The following OTOG variants were observed in gnomAD, a reference collection of about 807,000 sequenced individuals.
OTOG encodes otogelin.
A neutral mutation model predicts 313.8 loss-of-function variants in OTOG; 296 were observed. That is an observed-to-expected ratio of 0.94 (90% CI 0.86 to 1.04). OTOG has a LOEUF of 1.04. Among genes scored for constraint, OTOG ranks in the 50% least tolerant of loss-of-function variants. OTOG has a pLI of 0.00. For missense variants in OTOG, 3,948 were observed against 3,840.1 expected (o/e 1.03, Z -0.74); for synonymous variants, 1,533 against 1,554.9 (o/e 0.99, Z 0.33).
At chr11:17,570,168 G>A (rs1467599993) in intron 16 of OTOG, 45 bp from the exon 17 acceptor site, 45 of 1,508,960 alleles carry the variant, frequency 3.0e-5, no homozygotes, top group Non-Finnish European at 3.7e-5. Flanking sequence ...GGCGGGGTGT[G>A]TACTGGCTGC....
Position 17,608,372 on chromosome 11 carries a change from C to A in OTOG, c.4233C>A (p.Thr1411=). The A allele has an allele frequency of 1.9e-6, 3 of 1,547,088 alleles. No homozygotes were observed. In the South Asian group the frequency reaches 3.6e-5, roughly 19 times the overall value. The change falls in exon 34 of 56, where the codon ACC becomes ACA. Residue 1411 remains threonine, a synonymous_variant. Transcript: ENST00000399397. ...YDACASPCFQ[T]CRDPRAASCR... is the part of the protein sequence containing the mutation. ...CCTGTGCCAGCCCCTGCTTCCAAAC[C>A]TGCCGGGACCCACGGGCAGCCAGCT... is the stretch of plus-strand genomic sequence containing the variant.
At chr11:17,644,403 A>C (rs996336348) in intron 54 of OTOG, among the ~76,000 whole-genome samples, 1 of 152,246 alleles carries the variant, frequency 6.6e-6, no homozygotes, top group Non-Finnish European at 1.5e-5. Context: ...CAGAGACCAG[A>C]AGAAAAGATT....
At chr11:17,576,527 C>T in intron 20 of OTOG, 29 bp from the exon 21 acceptor site, 1 of 1,533,872 alleles carries the variant, frequency 6.5e-7, no homozygotes, top group Non-Finnish European at 8.8e-7. Context: ...TGAGCCTGCT[C>T]ACCTTTCTTT....
chr11:17,603,319 T>G (rs912996406), intron 32 of OTOG, among the ~76,000 whole-genome samples: 4 of 152,178 alleles, frequency 2.6e-5, no homozygotes, highest in Non-Finnish European at 5.9e-5. Context: ...CCCAGATCCA[T>G]GCATTCCTGC....
chr11:17,593,860 C>A, intron 27 of OTOG, 104 bp downstream of exon 27: 1 of 1,442,184 alleles, frequency 6.9e-7, no homozygotes, highest in Non-Finnish European at 9.4e-7. Flanking sequence ...GAAGAGCATG[C>A]CTCTGTTCTC....
At chr11:17,599,738 C>A in intron 31 of OTOG, 41 bp downstream of exon 31, 1 of 1,544,138 alleles carries the variant, frequency 6.5e-7, no homozygotes, top group South Asian at 1.2e-5. Context: ...GGGGCTCAGG[C>A]ACTGCCAGCC....
chr11:17,573,352 C>T (rs1852448427), intron 19 of OTOG, 62 bp downstream of exon 19: 1 of 1,441,852 alleles, frequency 6.9e-7, no homozygotes, highest in South Asian at 1.4e-5. Context: ...CTGAGTGTCC[C>T]CTGCCCCTGA....
In OTOG at chr11:17,645,576, G is replaced by A. The variant is rs1338351175; in HGVS notation, c.8474G>A (p.Gly2825Glu). The A allele has an allele frequency of 6.4e-7, 1 of 1,550,600 alleles. No homozygotes were observed. The change falls in exon 55 of 56, where the codon GGG (glycine) becomes GAG (glutamate). Residue 2825 changes from glycine (G) to glutamate (E), a missense_variant. Physicochemically the swap from Gly to Glu is moderately conservative, Grantham distance 98. Transcript: ENST00000399397. ...CCTGTCCCCCCAGGTAAGGAGGATG[G>A]GCGCTCCTGCAAGAAGGTGACCATC... ...EGCCRTCKED[G>E]RSCKKVTIRM...
chr11:17,566,059 G>A (rs1368146226), intron 15 of OTOG, among the ~76,000 whole-genome samples: 1 of 152,082 alleles, frequency 6.6e-6, no homozygotes, highest in Non-Finnish European at 1.5e-5. Context: ...CTTCTCAGCT[G>A]ACAGAGAAAG....
At chr11:17,627,802 A>T (rs1265720553) in intron 39 of OTOG, among the ~76,000 whole-genome samples, 1 of 152,104 alleles carries the variant, frequency 6.6e-6, no homozygotes, top group African/African-American at 2.4e-5. Flanking sequence ...TTGTGGTTCA[A>T]TCTTGAGGTT....
rs976956989 is a variant in OTOG, at chr11:17,593,642, G to A, written c.3174G>A (p.Glu1058=). ...SPESFLDDKQ[E]VHTWRVGFFT... ...AGAGCTTCCTGGATGACAAGCAGGA[G>A]GTCCACACATGGCGAGTGGGATTTT... is the stretch of plus-strand genomic sequence containing the variant. The change falls in exon 27 of 56, where the codon GAG becomes GAA. Residue 1058 remains glutamate, a synonymous_variant. Coordinates refer to ENST00000399397, the MANE Select transcript of OTOG (RefSeq NM_001292063.2). 6.5e-7 allele frequency: 1 copy of A among 1,549,132 alleles called. No homozygotes were observed. The highest frequency in any genetic ancestry group is 8.7e-7 in the Non-Finnish European group (1 of 1,146,984).
rs1034093568 is a variant in OTOG at position 17,555,658 on chromosome 11, G to A, written c.541-121G>A. The A allele has an allele frequency of 8.1e-6, 6 of 736,552 alleles. No individual in the cohort carries two copies. The Admixed American group carries it at 1.1e-4, about 14-fold the overall frequency. 45.6% of individuals were successfully genotyped at this position (736,552 alleles called of 1,614,324 possible). A position where few individuals can be genotyped will look rare whatever the true frequency, so the allele number is the denominator to read the frequency against. On this transcript the variant is annotated intron_variant, in intron 6 of 55. Coordinates refer to ENST00000399397, the MANE Select transcript of OTOG (RefSeq NM_001292063.2). ...TATGGGGACTGAGCGAGATCACAGAGGAAAGGCAGTTGGTATGCAGGGGAC... is the reference window on the plus strand; with the variant it reads ...TATGGGGACTGAGCGAGATCACAGAAGAAAGGCAGTTGGTATGCAGGGGAC...
chr11:17,645,573 A>G lies in OTOG; in HGVS notation c.8471A>G (p.Asp2824Gly). 1.9e-6 allele frequency: 3 copies of G among 1,550,580 alleles called. No homozygotes were observed. Among genetic ancestry groups the G allele is most frequent in the Non-Finnish European group, 2.6e-6 (3 of 1,146,978 alleles). Reference protein sequence around the residue: ...LEGCCRTCKEDGRSCKKVTIR... With the variant: ...LEGCCRTCKEGGRSCKKVTIR... ...CCCCCTGTCCCCCCAGGTAAGGAGG[A>G]TGGGCGCTCCTGCAAGAAGGTGACC... The change falls in exon 55 of 56, where the codon GAT becomes GGT. Residue 2824 changes from aspartate to glycine, a missense_variant. By Grantham distance (94) the Asp-to-Gly change is moderately conservative. Transcript: ENST00000399397.
chr11:17,613,765 A>G, intron 39 of OTOG, 64 bp downstream of exon 39: 1 of 1,057,736 alleles, frequency 9.5e-7, no homozygotes, highest in Admixed American at 2.3e-5. Context: ...CAGGGCATCC[A>G]GGGGTGGAGG....
At chr11:17,570,062 C>G in intron 16 of OTOG, 151 bp from the exon 17 acceptor site, 1 of 686,932 alleles carries the variant, frequency 1.5e-6, no homozygotes, top group Non-Finnish European at 2.5e-6. Context: ...CTCCCCATAC[C>G]AGCTTCATGG....
intron 39 of OTOG, among the ~76,000 whole-genome samples, chr11:17,618,974 G>C (rs1395835729): frequency 6.6e-6 from 1 of 152,106 alleles, no homozygotes; most frequent in Non-Finnish European, 1.5e-5. Flanking sequence ...TTTATTTAAA[G>C]TGGGATTTTT....
intron 28 of OTOG, among the ~76,000 whole-genome samples, chr11:17,595,345 T>C (rs918182143): frequency 1.3e-5 from 2 of 152,180 alleles, no homozygotes. Context: ...CCAGTGAAAA[T>C]GTAGTCTAAG....
Position 17,576,837 on chromosome 11 carries a change from G to A in OTOG, c.2562-31G>A, listed in dbSNP as rs369388760. The A allele has an allele frequency of 7.1e-6, 11 of 1,549,344 alleles. No homozygotes were observed. The East Asian group carries it at 2.0e-4, about 28-fold the overall frequency. Reference sequence around the variant, plus strand: ...GTCTGGGTCCTGCAGTGACTGGGTCGGCTAACCCCAGGGCCCGTCTCTCTC... The same window carrying A: ...GTCTGGGTCCTGCAGTGACTGGGTCAGCTAACCCCAGGGCCCGTCTCTCTC... On this transcript the variant is annotated intron_variant, in intron 21 of 55. Transcript: ENST00000399397.
At chr11:17,599,464 G>A (rs540065763) in intron 30 of OTOG, among the ~76,000 whole-genome samples, 3 of 152,136 alleles carry the variant, frequency 2.0e-5, no homozygotes, top group Non-Finnish European at 4.4e-5. Context: ...TTTGAGCCTC[G>A]TGCTGTCGGC....
Sources: allele counts gnomAD v4.1 joint callset (sites outside exome capture counted in the v4.1 genomes callset), GRCh38; gene constraint gnomAD v4.1.1; transcripts MANE v1.5; gene names NCBI Gene and HGNC (gene_info 2026-07-23, HGNC 2026-07-21).